NSMAF: variants seen among roughly 807,000 people sequenced by gnomAD.
The protein encoded by NSMAF is neutral sphingomyelinase activation associated factor.
NSMAF carries 90 observed loss-of-function variants against 134.9 expected under a neutral mutation model. That is an observed-to-expected ratio of 0.67 (90% confidence interval 0.56 to 0.79). NSMAF has a LOEUF of 0.79. NSMAF is among the 30% of genes least tolerant of loss of function. The probability of loss-of-function intolerance (pLI) is 0.00; values close to 1 mark genes in which losing one functional copy is unlikely to be tolerated. For synonymous variants in NSMAF, 358 were observed against 389.6 expected (o/e 0.92, Z 0.96); for missense variants, 1,010 against 1,119.0 (o/e 0.90, Z 1.39).
At chr8:58,601,421 G>A in intron 15 of NSMAF, 24 bp downstream of exon 15, 1 of 1,610,888 alleles carries the variant, frequency 6.2e-7, no homozygotes, top group Non-Finnish European at 8.5e-7. Context: ...AAATTTAATT[G>A]GGGGTAATGA....
chr8:58,591,034 AC>A, intron 23 of NSMAF, 100 bp from the exon 24 acceptor site: 1 of 1,329,458 alleles, frequency 7.5e-7, no homozygotes, highest in Non-Finnish European at 1.0e-6. Context: ...CCAACAGTAC[AC>A]TTTATACTCC....
At chr8:58,633,520 A>T (rs1017922304) in intron 5 of NSMAF, among the ~76,000 whole-genome samples, 1 of 152,176 alleles carries the variant, frequency 6.6e-6, no homozygotes, top group African/African-American at 2.4e-5. Flanking sequence ...TTACCACCTG[A>T]CATTAGAGGA....
chr8:58,655,662 C>G (rs568651541), intron 1 of NSMAF, among the ~76,000 whole-genome samples: 84 of 152,258 alleles, frequency 5.5e-4, no homozygotes, highest in Non-Finnish European at 1.0e-3. Context: ...AATCCCAGCA[C>G]TTTGGGAGGC....
chr8:58,631,504 T>G lies in NSMAF; in HGVS notation c.376A>C (p.Ile126Leu), dbSNP rs772666394. Residue 126 changes from isoleucine to leucine, a missense_variant, in exon 6 of 31, where the codon ATA becomes CTA. Transcript: ENST00000038176. ...TGAAAAGCTTTACTTACCCTTTCTA[T>G]TTTATATGGTGCAACAACATTATGT... ...KEHNVVAPYK[I>L]ERGKMEYVFE... 1.3e-6 allele frequency: 2 copies of G among 1,504,432 alleles called. No homozygotes were observed. The highest frequency in any genetic ancestry group is 2.4e-5 in the East Asian group (1 of 42,328). 93.2% of individuals were successfully genotyped at this position (1,504,432 alleles called of 1,614,324 possible). A position where few individuals can be genotyped will look rare whatever the true frequency, so the allele number is the denominator to read the frequency against.
At position 58,659,687 on chromosome 8, in the gene NSMAF, C is replaced by G. The variant is rs1019682320; in HGVS notation, c.-56G>C. On this transcript the variant is annotated 5_prime_UTR_variant, in exon 1 of 31. Transcript: ENST00000038176. ...ACAGGCAGGCCCCGCCGCCGCCTGC[C>G]GAGGAGGTCCGGAGGAGCCGGGGAG... The G allele has an allele frequency of 3.1e-5, 41 of 1,320,366 alleles. No individual in the cohort carries two copies. Among genetic ancestry groups the G allele is most frequent in the African/African-American group, 4.7e-5 (3 of 64,462 alleles). The allele number at this position is 1,320,366 out of a possible 1,614,324, so 81.8% of individuals were successfully genotyped here. A position where few individuals can be genotyped will look rare whatever the true frequency, so the allele number is the denominator to read the frequency against.
chr8:58,599,765 G>T lies in NSMAF; in HGVS notation c.1438C>A (p.Pro480Thr), dbSNP rs762178456. 26 of 1,613,932 alleles carry T rather than the reference G, an allele frequency of 1.6e-5. No homozygotes were observed. Among genetic ancestry groups the T allele is most frequent in the Non-Finnish European group, 1.7e-5 (20 of 1,179,952 alleles). ...GGQMVDDVEL[P>T]PWASSPEDFL... is the part of the protein sequence containing the mutation. ...GGGGACTCACTGGAAGCCCAAGGGG[G>T]AAGCTCCACGTCGTCAACCATCTGT... Residue 480 changes from proline to threonine, a missense_variant, in exon 18 of 31, where the codon CCC becomes ACC. Transcript: ENST00000038176.
At chr8:58,635,570 T>A (rs1807155754) in intron 2 of NSMAF, 24 bp from the exon 3 acceptor site, 1 of 1,427,378 alleles carries the variant, frequency 7.0e-7, no homozygotes, top group African/African-American at 1.4e-5. Context: ...TACAACAGAT[T>A]GTTTGATGAG....
At chr8:58,604,746 G>GC (rs1185527618) in intron 12 of NSMAF, among the ~76,000 whole-genome samples, 1 of 151,644 alleles carries the variant, frequency 6.6e-6, no homozygotes, top group Non-Finnish European at 1.5e-5. Flanking sequence ...ATCCTTTTTT[G>GC]TTTGTTTGTT....
chr8:58,600,621 CAAAAAAAAAAAAA>C (rs35209612), intron 16 of NSMAF, among the ~76,000 whole-genome samples: 1 of 44,682 alleles, frequency 2.2e-5, no homozygotes, highest in Non-Finnish European at 4.1e-5. Context: ...GACTCTGTCT[CAAAAAAAAAAAAA>C]AAAAAAAAAA....
intron 2 of NSMAF, chr8:58,637,454 C>T (rs2129146635): frequency 2.6e-5 from 12 of 455,788 alleles, no homozygotes; most frequent in South Asian, 1.9e-4. Context: ...AAGGTGCCCA[C>T]TCTTACCACT....
chr8:58,601,180 T>A, intron 16 of NSMAF, 105 bp downstream of exon 16: 2 of 961,086 alleles, frequency 2.1e-6, no homozygotes, highest in Non-Finnish European at 1.6e-6. Flanking sequence ...AGTGATTTTT[T>A]ACATTTCTTT....
At chr8:58,589,312 A>T (rs921486079) in intron 26 of NSMAF, 140 bp downstream of exon 26, 10 of 477,474 alleles carry the variant, frequency 2.1e-5, no homozygotes, top group Non-Finnish European at 6.5e-6. Flanking sequence ...ACGCTTTGTG[A>T]AAAAGAGTGG....
intron 9 of NSMAF, among the ~76,000 whole-genome samples, chr8:58,610,475 T>TAAG (rs1261396015): frequency 6.6e-6 from 1 of 152,180 alleles, no homozygotes; most frequent in Non-Finnish European, 1.5e-5. Flanking sequence ...GGGAAAGCTG[T>TAAG]AAGAGACTGT....
intron 1 of NSMAF, among the ~76,000 whole-genome samples, chr8:58,652,849 G>GTGGTTTA (rs1172730848): frequency 6.6e-6 from 1 of 152,192 alleles, no homozygotes; most frequent in African/African-American, 2.4e-5. Flanking sequence ...AAAAACAGAG[G>GTGGTTTA]TGGTTTATCA....
At chr8:58,587,377 T>C (rs530450132) in intron 27 of NSMAF, among the ~76,000 whole-genome samples, 17 of 152,308 alleles carry the variant, frequency 1.1e-4, no homozygotes, top group Admixed American at 7.8e-4. Flanking sequence ...GGAATTCTAG[T>C]TGGATGGTAG....
chr8:58,642,846 T>C (rs13251087), intron 2 of NSMAF, 138 bp downstream of exon 2: 4 of 682,138 alleles, frequency 5.9e-6, no homozygotes, highest in Non-Finnish European at 1.0e-5. Context: ...TCAATAAAAG[T>C]CTAAATAAAA....
chr8:58,623,333 A>T, intron 8 of NSMAF, 44 bp downstream of exon 8: 1 of 1,606,734 alleles, frequency 6.2e-7, no homozygotes, highest in Non-Finnish European at 8.5e-7. Context: ...ATATCAATAC[A>T]AGTTAATTGA....
At chr8:58,607,416 T>C (rs1381210795) in intron 11 of NSMAF, among the ~76,000 whole-genome samples, 1 of 152,258 alleles carries the variant, frequency 6.6e-6, no homozygotes, top group East Asian at 1.9e-4. Flanking sequence ...CTTTGAGACC[T>C]AGCTGCTATG....
intron 1 of NSMAF, chr8:58,659,212 C>T (rs1447364774): frequency 6.8e-7 from 1 of 1,460,104 alleles, no homozygotes. Context: ...TGCGAACGCC[C>T]GGGCTCGCGT....
Sources: gnomAD v4.1 joint callset for allele counts (sites outside exome capture counted in the v4.1 genomes callset) on GRCh38, gnomAD v4.1.1 for gene constraint, MANE v1.5 for transcripts, NCBI Gene and HGNC (gene_info 2026-07-23, HGNC 2026-07-21) for gene names.